Variants in SEMA5A observed in about 807,000 individuals in gnomAD.
SEMA5A encodes semaphorin 5A, also known as semaphorin-5A.
A neutral mutation model predicts 135.5 loss-of-function variants in SEMA5A; 55 were observed. The observed-to-expected ratio is 0.41, with a 90% CI of 0.33 to 0.51. The LOEUF (loss-of-function observed/expected upper bound fraction) is 0.51, where lower values mean the gene tolerates loss of function less well. Ranked by LOEUF, SEMA5A falls within the 20% of genes least tolerant of loss-of-function variation. SEMA5A has a pLI of 0.37. For synonymous variants in SEMA5A, 580 were observed against 546.5 expected (o/e 1.06, Z -0.85); for missense variants, 1,290 against 1,419.9 (o/e 0.91, Z 1.47).
chr5:9,449,148 C>T (rs1579558945), intron 1 of SEMA5A, among the ~76,000 whole-genome samples: 2 of 152,010 alleles, frequency 1.3e-5, no homozygotes, highest in African/African-American at 4.8e-5. Context: ...CTCACAATAG[C>T]AAAGACATGG....
chr5:9,076,518 C>A (rs1314181757), intron 16 of SEMA5A, among the ~76,000 whole-genome samples: 6 of 152,076 alleles, frequency 3.9e-5, no homozygotes, highest in Admixed American at 1.3e-4. Flanking sequence ...TATAATTAAG[C>A]AGAAATGCAT....
rs536323280 is a variant in SEMA5A at position 9,149,602 on chromosome 5, C to T, written c.1481+4886G>A. ...GAGGTTGCAGTGAGCTGAGATCACA[C>T]CACTGCACTCTAGCCTGGGTAACAG... On this transcript the variant is annotated intron_variant, in intron 12 of 22. Coordinates refer to ENST00000382496, the MANE Select transcript of SEMA5A (RefSeq NM_003966.3). Among the ~76,000 whole-genome samples, 4 of 152,326 alleles carry T rather than the reference C, an allele frequency of 2.6e-5. No individual in the cohort carries two copies. The South Asian group carries it at 8.3e-4, about 32-fold the overall frequency.
intron 5 of SEMA5A, among the ~76,000 whole-genome samples, chr5:9,270,197 T>C (rs1286156441): frequency 1.3e-5 from 2 of 152,098 alleles, no homozygotes; most frequent in African/African-American, 2.4e-5. Flanking sequence ...CCTCGTGTTG[T>C]CACAATTTGC....
At chr5:9,414,816 T>C (rs1396052938) in intron 2 of SEMA5A, among the ~76,000 whole-genome samples, 1 of 152,226 alleles carries the variant, frequency 6.6e-6, no homozygotes, top group African/African-American at 2.4e-5. Flanking sequence ...GACATATTTC[T>C]GTGTCTCAGC....
chr5:9,052,860 AG>A (rs1736667284), intron 19 of SEMA5A, among the ~76,000 whole-genome samples: 1 of 152,210 alleles, frequency 6.6e-6, no homozygotes, highest in Admixed American at 6.5e-5. Flanking sequence ...CAGGATAAAA[AG>A]GTATTTTTCT....
chr5:9,245,496 G>C (rs1261573273), intron 5 of SEMA5A, among the ~76,000 whole-genome samples: 3 of 152,122 alleles, frequency 2.0e-5, no homozygotes, highest in African/African-American at 7.2e-5. Context: ...AAGCATTTCT[G>C]TATTTTGTTT....
intron 13 of SEMA5A, among the ~76,000 whole-genome samples, chr5:9,134,673 C>T (rs1741632418): frequency 6.6e-6 from 1 of 152,160 alleles, no homozygotes; most frequent in Non-Finnish European, 1.5e-5. Flanking sequence ...TATACTAAAA[C>T]AACTCTGGGT....
chr5:9,448,298 T>A (rs1192721162), intron 1 of SEMA5A, among the ~76,000 whole-genome samples: 2 of 152,218 alleles, frequency 1.3e-5, no homozygotes, highest in Non-Finnish European at 2.9e-5. Context: ...CAACATTCAA[T>A]GGATGTCCAC....
intron 5 of SEMA5A, among the ~76,000 whole-genome samples, chr5:9,259,673 A>G (rs933310104): frequency 6.6e-6 from 1 of 150,456 alleles, no homozygotes; most frequent in African/African-American, 2.5e-5. Context: ...AGGCAGAAAT[A>G]AAGATGTTCT....
In SEMA5A at chr5:9,381,975, TGTGTGTGCGCGCGC is replaced by T. The variant is rs1251800863; in HGVS notation, c.-77-1966_-77-1953del. Reference sequence around the variant, plus strand: ...GTGTGTGTGTGTGTGTGTGTGTGTGTGTGTGTGCGCGCGCGCGCACATCAAGTTTCAGACACGTG... The same window carrying T: ...GTGTGTGTGTGTGTGTGTGTGTGTGTGCGCACATCAAGTTTCAGACACGTG... On this transcript the variant is annotated intron_variant, in intron 2 of 22. Coordinates refer to ENST00000382496, the MANE Select transcript of SEMA5A (RefSeq NM_003966.3). Among the ~76,000 whole-genome samples the T allele has an allele frequency of 6.0e-3, 676 of 112,536 alleles. 3 individuals are homozygous for T. The highest frequency in any genetic ancestry group is 0.019 in the South Asian group (78 of 4,046). 73.8% of individuals were successfully genotyped at this position (112,536 alleles called of 152,430 possible). A position where few individuals can be genotyped will look rare whatever the true frequency, so the allele number is the denominator to read the frequency against.
chr5:9,085,037 C>G (rs776989378), intron 16 of SEMA5A, among the ~76,000 whole-genome samples: 4 of 152,090 alleles, frequency 2.6e-5, no homozygotes, highest in Non-Finnish European at 5.9e-5. Context: ...CTCTGGAGAT[C>G]TGTGGGATTT....
At chr5:9,347,794 A>C (rs1753942327) in intron 3 of SEMA5A, among the ~76,000 whole-genome samples, 1 of 152,200 alleles carries the variant, frequency 6.6e-6, no homozygotes, top group Admixed American at 6.5e-5. Flanking sequence ...CGTTTCTCTA[A>C]GCTAGATCGT....
chr5:9,074,710 T>C (rs941903591), intron 16 of SEMA5A, among the ~76,000 whole-genome samples: 2 of 152,170 alleles, frequency 1.3e-5, no homozygotes, highest in African/African-American at 2.4e-5. Flanking sequence ...AGATATGTGA[T>C]GGCAAAACAA....
chr5:9,152,672 CTTAAATT>C (rs1199814730), intron 12 of SEMA5A, among the ~76,000 whole-genome samples: 3 of 152,202 alleles, frequency 2.0e-5, no homozygotes, highest in African/African-American at 7.2e-5. Context: ...TTGCAGAGTG[CTTAAATT>C]TTATACTCTA....
chr5:9,400,501 A>ATTTTTTT (rs1215358817), intron 2 of SEMA5A, among the ~76,000 whole-genome samples: 11 of 87,016 alleles, frequency 1.3e-4, no homozygotes, highest in African/African-American at 1.5e-4. Flanking sequence ...CACAATGTAC[A>ATTTTTTT]TTTTTTTTTT....
intron 16 of SEMA5A, among the ~76,000 whole-genome samples, chr5:9,103,290 T>C (rs977027132): frequency 2.0e-5 from 3 of 152,150 alleles, no homozygotes; most frequent in African/African-American, 7.2e-5. Context: ...TACACAAAAA[T>C]GTGATATTTT....
At chr5:9,428,080 A>G (rs975746815) in intron 2 of SEMA5A, among the ~76,000 whole-genome samples, 16 of 32,570 alleles carry the variant, frequency 4.9e-4, no homozygotes, top group South Asian at 1.0e-3. Context: ...AAATATATAT[A>G]TGTGTGTGTA....
intron 2 of SEMA5A, among the ~76,000 whole-genome samples, chr5:9,380,934 C>T (rs773152619): frequency 2.6e-5 from 4 of 151,524 alleles, no homozygotes; most frequent in Admixed American, 6.6e-5. Context: ...AAGGACGTTC[C>T]GTCCCCAGGG....
chr5:9,327,786 G>A (rs1204549836), intron 4 of SEMA5A, among the ~76,000 whole-genome samples: 1 of 152,048 alleles, frequency 6.6e-6, no homozygotes, highest in African/African-American at 2.4e-5. Flanking sequence ...ATCTCTAAGT[G>A]CTGTGAGGAT....
Sources: allele counts gnomAD v4.1 joint callset (sites outside exome capture counted in the v4.1 genomes callset), GRCh38; gene constraint gnomAD v4.1.1; transcripts MANE v1.5; gene names NCBI Gene and HGNC (gene_info 2026-07-23, HGNC 2026-07-21).